JPH3: variants seen among roughly 807,000 people sequenced by gnomAD.
JPH3 encodes the protein junctophilin 3, also known as junctophilin-3.
A neutral mutation model predicts 59.6 loss-of-function variants in JPH3; 11 were observed. The observed-to-expected ratio is 0.18, with a 90% CI of 0.12 to 0.31. The LOEUF (loss-of-function observed/expected upper bound fraction) is 0.31. Among genes scored for constraint, JPH3 ranks in the 10% least tolerant of loss-of-function variants. The probability of loss-of-function intolerance (pLI) is 1.00; values close to 1 mark genes in which losing one functional copy is unlikely to be tolerated. For synonymous variants in JPH3, 673 were observed against 483.6 expected (o/e 1.39, Z -5.14); for missense variants, 1,202 against 1,105.7 (o/e 1.09, Z -1.24).
At chr16:87,667,792 TTC>T (rs1390405113) in intron 2 of JPH3, among the ~76,000 whole-genome samples, 1 of 152,214 alleles carries the variant, frequency 6.6e-6, no homozygotes, top group Non-Finnish European at 1.5e-5. Context: ...TCACATACTC[TTC>T]TCTGTCTGTT....
chr16:87,692,137 G>A (rs1263284410), intron 4 of JPH3, among the ~76,000 whole-genome samples: 1 of 151,378 alleles, frequency 6.6e-6, no homozygotes, highest in South Asian at 2.1e-4. Context: ...CCTGGAGGAT[G>A]CCAGCTGAGC....
intron 2 of JPH3, among the ~76,000 whole-genome samples, chr16:87,674,089 C>G (rs1477190508): frequency 6.7e-6 from 1 of 150,348 alleles, no homozygotes; most frequent in Non-Finnish European, 1.5e-5. Flanking sequence ...AATCCCAACA[C>G]TTTCGGAGGC....
chr16:87,673,004 T>C (rs913776524), intron 2 of JPH3, among the ~76,000 whole-genome samples: 2 of 152,008 alleles, frequency 1.3e-5, no homozygotes, highest in African/African-American at 4.8e-5. Flanking sequence ...AAATTACCTT[T>C]GCGTGGTAGC....
At chr16:87,652,535 C>G (rs2032357305) in intron 2 of JPH3, among the ~76,000 whole-genome samples, 1 of 152,272 alleles carries the variant, frequency 6.6e-6, no homozygotes, top group South Asian at 2.1e-4. Flanking sequence ...GCCATCACGA[C>G]TCACTGCAAC....
At chr16:87,607,960 T>A (rs994805301) in intron 1 of JPH3, among the ~76,000 whole-genome samples, 1 of 152,240 alleles carries the variant, frequency 6.6e-6, no homozygotes, top group Non-Finnish European at 1.5e-5. Context: ...CAAACAGCTA[T>A]TTTTTTGTTG....
chr16:87,652,022 T>G (rs1194238497), intron 2 of JPH3, among the ~76,000 whole-genome samples: 1 of 151,550 alleles, frequency 6.6e-6, no homozygotes, highest in Non-Finnish European at 1.5e-5. Context: ...TTGCCCAGGC[T>G]GGAGTGCAGT....
intron 1 of JPH3, among the ~76,000 whole-genome samples, chr16:87,619,845 G>A (rs2031107595): frequency 6.6e-6 from 1 of 152,168 alleles, no homozygotes; most frequent in South Asian, 2.1e-4. Flanking sequence ...GGCACGGATG[G>A]GGCGCAAGGA....
chr16:87,623,848 C>G (rs2031277033), intron 1 of JPH3, among the ~76,000 whole-genome samples: 1 of 152,262 alleles, frequency 6.6e-6, no homozygotes, highest in Non-Finnish European at 1.5e-5. Context: ...ACATGCCCAG[C>G]TGTGGGGTCC....
At chr16:87,674,740 T>C (rs1477140459) in intron 2 of JPH3, among the ~76,000 whole-genome samples, 1 of 152,136 alleles carries the variant, frequency 6.6e-6, no homozygotes, top group Non-Finnish European at 1.5e-5. Context: ...AAAGAACTTG[T>C]GTTTTACTTT....
intron 2 of JPH3, among the ~76,000 whole-genome samples, chr16:87,658,657 T>C (rs1056808511): frequency 6.6e-6 from 1 of 152,066 alleles, no homozygotes; most frequent in Admixed American, 6.5e-5. Context: ...GGTGACACCG[T>C]GTGGGCATTT....
At chr16:87,659,986 G>C (rs1158269151) in intron 2 of JPH3, among the ~76,000 whole-genome samples, 1 of 152,176 alleles carries the variant, frequency 6.6e-6, no homozygotes, top group Non-Finnish European at 1.5e-5. Context: ...GAGCTCTGCT[G>C]TGAAGGGGAT....
chr16:87,678,542 C>T (rs2033207063), intron 2 of JPH3, among the ~76,000 whole-genome samples: 1 of 152,226 alleles, frequency 6.6e-6, no homozygotes, highest in East Asian at 1.9e-4. Flanking sequence ...CCATCACACA[C>T]ACACACACAA....
intron 1 of JPH3, among the ~76,000 whole-genome samples, chr16:87,624,517 A>G (rs534571288): frequency 8.7e-4 from 132 of 152,322 alleles, no homozygotes; most frequent in Middle Eastern, 3.4e-3. Context: ...GTAATATTCC[A>G]CTGCGGGGCA....
At chr16:87,640,199 C>CA (rs2031899746) in intron 1 of JPH3, among the ~76,000 whole-genome samples, 1 of 151,748 alleles carries the variant, frequency 6.6e-6, no homozygotes, top group East Asian at 2.0e-4. Context: ...TGTGGTGGTG[C>CA]ATGCCTGTAG....
intron 2 of JPH3, among the ~76,000 whole-genome samples, chr16:87,662,292 C>A (rs1255896255): frequency 2.6e-5 from 4 of 152,144 alleles, no homozygotes; most frequent in Non-Finnish European, 5.9e-5. Flanking sequence ...CCGGTGTACT[C>A]TGTCGATGTT....
intron 4 of JPH3, among the ~76,000 whole-genome samples, chr16:87,693,103 G>A (rs1047284763): frequency 9.2e-5 from 14 of 152,238 alleles, no homozygotes; most frequent in Admixed American, 1.3e-4. Context: ...CTGAGGCCAC[G>A]ATGCCACGGA....
Position 87,644,693 on chromosome 16 carries a change from T to C in JPH3, c.818T>C (p.Leu273Pro). 6.2e-7 allele frequency: 1 copy of C among 1,612,100 alleles called. No homozygotes were observed. The highest frequency in any genetic ancestry group is 8.5e-7 in the Non-Finnish European group (1 of 1,179,880). The change falls in exon 2 of 5, where the codon CTG becomes CCG. Residue 273 changes from leucine to proline, a missense_variant. Leu to Pro is a moderately conservative substitution (Grantham distance 98). Transcript: ENST00000284262. The part of the protein sequence containing the change: ...TISLGEAEAE[L>P]AVIEDDIDAT... ...AGCCTGGGCGAGGCTGAGGCCGAGC[T>C]GGCGGTCATCGAGGACGACATCGAC...
chr16:87,614,126 C>T (rs1273742503), intron 1 of JPH3, among the ~76,000 whole-genome samples: 7 of 152,224 alleles, frequency 4.6e-5, no homozygotes. Context: ...TGGGGGACTG[C>T]CAGCGTGGTG....
At chr16:87,622,024 G>T (rs1201737216) in intron 1 of JPH3, among the ~76,000 whole-genome samples, 1 of 152,186 alleles carries the variant, frequency 6.6e-6, no homozygotes, top group African/African-American at 2.4e-5. Context: ...ACCTTGTCTG[G>T]GGTCACTGGG....
Sources: allele counts gnomAD v4.1 joint callset (sites outside exome capture counted in the v4.1 genomes callset), GRCh38; gene constraint gnomAD v4.1.1; transcripts MANE v1.5; gene names NCBI Gene and HGNC (gene_info 2026-07-23, HGNC 2026-07-21).